CTSE: variants seen among roughly 807,000 people sequenced by gnomAD.
CTSE encodes cathepsin E, also known as erythrocyte membrane aspartic proteinase.
A neutral mutation model predicts 42.8 loss-of-function variants in CTSE; 43 were observed. That is an observed-to-expected ratio of 1.01 (90% confidence interval 0.79 to 1.30). The LOEUF is 1.30. CTSE is among the 50% of genes most tolerant of loss of function. The pLI, the probability that CTSE is intolerant of heterozygous loss-of-function variation, is 0.00. For synonymous variants in CTSE, 205 were observed against 191.5 expected (o/e 1.07, Z -0.58); for missense variants, 532 against 493.5 (o/e 1.08, Z -0.74).
rs919996246 is a variant in CTSE, at chr1:206,021,398, T to C, written c.344-231A>G. 5.9e-5 allele frequency: 31 copies of C among 523,528 alleles called. No individual in the cohort carries two copies. The Admixed American group carries it at 9.8e-4, about 16-fold the overall frequency. 32.4% of individuals were successfully genotyped at this position (523,528 alleles called of 1,614,324 possible). ...AGCTATCCCTGAGCAAACCTGATTG[T>C]CCACAATGACCTCATGAGGCACACC... On this transcript the variant is annotated intron_variant, in intron 3 of 8. Coordinates refer to ENST00000358184, the MANE Select transcript of CTSE (RefSeq NM_001910.4).
At chr1:206,010,534 G>T (rs1553276800) in intron 8 of CTSE, among the ~76,000 whole-genome samples, 187 bp from the exon 9 acceptor site, 1 of 152,030 alleles carries the variant, frequency 6.6e-6, no homozygotes, top group African/African-American at 2.4e-5. Flanking sequence ...GCTTAATAAA[G>T]TGTTTGTCTG....
rs953152194 is a variant in CTSE at position 206,012,237 on chromosome 1, G to A, written c.1026+71C>T. On this transcript the variant is annotated intron_variant, in intron 8 of 8. Transcript: ENST00000358184. Reference sequence around the variant, plus strand: ...GGGTAAAGGCGGGCAAAGTGCAGGCGATTGAAAAGGGGAAGTGGCAGGCAT... The same window carrying A: ...GGGTAAAGGCGGGCAAAGTGCAGGCAATTGAAAAGGGGAAGTGGCAGGCAT... 1.3e-5 allele frequency: 17 copies of A among 1,288,654 alleles called. No individual in the cohort carries two copies. The Admixed American group carries it at 1.7e-4, about 13-fold the overall frequency. The allele number at this position is 1,288,654 out of a possible 1,614,324, so 79.8% of individuals were successfully genotyped here. A position where few individuals can be genotyped will look rare whatever the true frequency, so the allele number is the denominator to read the frequency against.
At chr1:206,013,969 T>A (rs1376584068) in intron 5 of CTSE, 75 bp from the exon 6 acceptor site, 2 of 1,534,386 alleles carry the variant, frequency 1.3e-6, no homozygotes, top group Admixed American at 1.8e-5. Flanking sequence ...GCTAGGACCC[T>A]TTGCTTCTTG....
intron 6 of CTSE, among the ~76,000 whole-genome samples, chr1:206,013,466 C>T (rs1000818101): frequency 1.3e-5 from 2 of 151,984 alleles, no homozygotes; most frequent in Non-Finnish European, 2.9e-5. Flanking sequence ...TGTGCAACCC[C>T]CCATGTTACT....
chr1:206,015,745 C>T (rs1300921392), intron 5 of CTSE, among the ~76,000 whole-genome samples, 186 bp downstream of exon 5: 1 of 152,048 alleles, frequency 6.6e-6, no homozygotes, highest in African/African-American at 2.4e-5. Flanking sequence ...AGTGTTTTTA[C>T]AGCTACTTGA....
At position 206,010,247 on chromosome 1, in the gene CTSE, C is replaced by T. The variant is rs782623016; in HGVS notation, c.1127G>A (p.Arg376Gln). 2.2e-5 allele frequency: 35 copies of T among 1,613,592 alleles called. No individual in the cohort carries two copies. Among genetic ancestry groups the T allele is most frequent in the South Asian group, 3.3e-5 (3 of 91,054 alleles). Residue 376 changes from arginine (R) to glutamine (Q), a missense_variant, in exon 9 of 9, where the codon CGA (arginine) becomes CAA (glutamine). By Grantham distance (43) the Arg-to-Gln change is conservative (BLOSUM62 1). Coordinates refer to ENST00000358184, the MANE Select transcript of CTSE (RefSeq NM_001910.4). ...PLWILGDVFI[R>Q]QFYSVFDRGN... ...ACGGTCAAAGACTGAGTAAAACTGTCGAATGAAGACATCCCCCAGGATCCA... is the reference window on the plus strand; with the variant it reads ...ACGGTCAAAGACTGAGTAAAACTGTTGAATGAAGACATCCCCCAGGATCCA...
chr1:206,023,150 G>C, intron 1 of CTSE, 93 bp from the exon 2 acceptor site: 2 of 462,008 alleles, frequency 4.3e-6, no homozygotes, highest in Non-Finnish European at 4.3e-6. Flanking sequence ...AACTAGAGAA[G>C]ATGGGGTGGG....
chr1:206,013,855 T>C lies in CTSE; in HGVS notation c.702A>G (p.Gly234=), dbSNP rs782200516. The C allele has an allele frequency of 6.2e-7, 1 of 1,613,554 alleles. No homozygotes were observed. Among genetic ancestry groups the C allele is most frequent in the African/African-American group, 1.3e-5 (1 of 74,860 alleles). Residue 234 remains glycine (G), a synonymous_variant, in exon 6 of 9, where the codon GGA becomes GGG. Coordinates refer to ENST00000358184, the MANE Select transcript of CTSE (RefSeq NM_001910.4). Reference sequence around the variant, plus strand: ...CAGAGAAATGGGAGTGGTCGTAGCCTCCAAAAATCAGCTCGCTCCCCGCAC... The same window carrying C: ...CAGAGAAATGGGAGTGGTCGTAGCCCCCAAAAATCAGCTCGCTCCCCGCAC... The part of the protein sequence containing the change: ...EGGAGSELIF[G]GYDHSHFSGS...
At chr1:206,019,552 T>A (rs531854036) in intron 4 of CTSE, among the ~76,000 whole-genome samples, 76 of 152,010 alleles carry the variant, frequency 5.0e-4, no homozygotes, top group African/African-American at 1.7e-3. Flanking sequence ...AGCCAACAGA[T>A]ACGTGACAAG....
intron 4 of CTSE, among the ~76,000 whole-genome samples, chr1:206,019,870 CATAAT>C (rs374887810): frequency 4.2e-5 from 5 of 119,372 alleles, no homozygotes; most frequent in Admixed American, 9.1e-5. Flanking sequence ...AATAGATTAA[CATAAT>C]ATATTATGTA....
At chr1:206,015,783 C>G (rs1435827954) in intron 5 of CTSE, 148 bp downstream of exon 5, 1 of 676,584 alleles carries the variant, frequency 1.5e-6, no homozygotes, top group African/African-American at 1.8e-5. Context: ...CCTCAATATT[C>G]AGAGAGGTTA....
chr1:206,018,020 C>T (rs1553277894), intron 4 of CTSE, among the ~76,000 whole-genome samples: 1 of 151,844 alleles, frequency 6.6e-6, no homozygotes, highest in East Asian at 1.9e-4. Context: ...ATTGAGTGTC[C>T]TTGTCTCATT....
chr1:206,016,289 A>C, intron 4 of CTSE, 159 bp from the exon 5 acceptor site: 1 of 674,786 alleles, frequency 1.5e-6, no homozygotes, highest in Non-Finnish European at 2.6e-6. Flanking sequence ...ATTCCCAAAA[A>C]ACAGGACATT....
At chr1:206,020,908 A>G (rs782352226) in intron 4 of CTSE, 141 bp downstream of exon 4, 7 of 644,786 alleles carry the variant, frequency 1.1e-5, no homozygotes, top group Non-Finnish European at 1.7e-5. Flanking sequence ...TCAGGTGGGG[A>G]GTGTTGCTTG....
chr1:206,019,989 T>G (rs1193991080), intron 4 of CTSE, among the ~76,000 whole-genome samples: 1 of 144,414 alleles, frequency 6.9e-6, no homozygotes, highest in African/African-American at 2.5e-5. Flanking sequence ...ATATATTATA[T>G]AACATATATT....
At position 206,022,367 on chromosome 1, in the gene CTSE, G is replaced by C. The variant is rs1435171386; in HGVS notation, c.226-100C>G. The C allele has an allele frequency of 6.7e-6, 5 of 745,760 alleles. No individual in the cohort carries two copies. The East Asian group carries it at 1.0e-4, about 15-fold the overall frequency. The allele number at this position is 745,760 out of a possible 1,614,324, so 46.2% of individuals were successfully genotyped here. ...GAAAGCTCCCAGGGGCCAGAGCCTG[G>C]GGTAATACAGACTGGAGTTTACAGA... On this transcript the variant is annotated intron_variant, in intron 2 of 8. Transcript: ENST00000358184.
At chr1:206,018,853 C>G (rs1553277991) in intron 4 of CTSE, among the ~76,000 whole-genome samples, 1 of 151,880 alleles carries the variant, frequency 6.6e-6, no homozygotes, top group African/African-American at 2.4e-5. Context: ...ATTTTCTGTA[C>G]TGTGTGATTT....
rs200653780 is a variant in CTSE, at chr1:206,021,075, C to T, written c.436G>A (p.Gly146Arg). The part of the protein sequence containing the change: ...SIQYGTGSLS[G>R]IIGADQVSVE... ...GAGACTTGGTCGGCTCCAATGATCCCGGACAAGCTCCCGGTTCCATACTGA... is the reference window on the plus strand; with the variant it reads ...GAGACTTGGTCGGCTCCAATGATCCTGGACAAGCTCCCGGTTCCATACTGA... Residue 146 changes from glycine (G) to arginine (R), a missense_variant, in exon 4 of 9, where the codon GGG becomes AGG. Coordinates refer to ENST00000358184, the MANE Select transcript of CTSE (RefSeq NM_001910.4). 103 of 1,612,770 alleles carry T rather than the reference C, an allele frequency of 6.4e-5. No homozygotes were observed. The highest frequency in any genetic ancestry group is 9.9e-5 in the South Asian group (9 of 91,058).
intron 4 of CTSE, among the ~76,000 whole-genome samples, chr1:206,016,948 T>C (rs1346788939): frequency 6.6e-6 from 1 of 152,224 alleles, no homozygotes; most frequent in East Asian, 1.9e-4. Flanking sequence ...AATGCTGTTG[T>C]TTTGATTGGA....
Sources: gnomAD v4.1 joint callset for allele counts (sites outside exome capture counted in the v4.1 genomes callset) on GRCh38, gnomAD v4.1.1 for gene constraint, MANE v1.5 for transcripts, NCBI Gene and HGNC (gene_info 2026-07-23, HGNC 2026-07-21) for gene names.